The following SYNE1 variants were observed in gnomAD, a reference collection of about 807,000 sequenced individuals.
The protein encoded by SYNE1 is spectrin repeat containing nuclear envelope protein 1.
SYNE1 carries 616 observed loss-of-function variants against 1,111.0 expected under a neutral mutation model. That is an observed-to-expected ratio of 0.55 (90% CI 0.52 to 0.59). The LOEUF is 0.59. SYNE1 is among the 20% of genes least tolerant of loss of function. The probability of loss-of-function intolerance (pLI) is 0.00; values close to 1 mark genes in which losing one functional copy is unlikely to be tolerated. For missense variants in SYNE1, 10,006 were observed against 10,417.0 expected, an observed-to-expected ratio of 0.96 and a Z score of 1.72; for synonymous variants, 3,855 against 3,825.8, an observed-to-expected ratio of 1.01 and a Z score of -0.28.
At chr6:152,423,272 G>T (rs760334992) in intron 39 of SYNE1, among the ~76,000 whole-genome samples, 19 of 152,120 alleles carry the variant, frequency 1.2e-4, no homozygotes, top group Non-Finnish European at 1.5e-4. Context: ...CCTCAATATG[G>T]CATATATTCT....
rs2097290899 is a variant in SYNE1 at position 152,376,883 on chromosome 6, C to T, written c.9039G>A (p.Glu3013=). The change falls in exon 57 of 146, where the codon GAG becomes GAA. Residue 3013 remains glutamate, a synonymous_variant. Transcript: ENST00000367255. ...GAGACTTGAGATCCTCTGTTCTAGG[C>T]TCTGCTTTTTGCAAAGCATCCAGTA... ...QEILDALQKA[E]PRTEDLKSQL... 1 of 1,614,038 alleles carries T rather than the reference C, an allele frequency of 6.2e-7. No individual in the cohort carries two copies. Among genetic ancestry groups the T allele is most frequent in the South Asian group, 1.1e-5 (1 of 91,080 alleles).
At position 152,249,171 on chromosome 6, in the gene SYNE1, T is replaced by C. The variant is rs1391070875; in HGVS notation, c.19562A>G (p.Glu6521Gly). 3 of 1,612,072 alleles carry C rather than the reference T, an allele frequency of 1.9e-6. No homozygotes were observed. Among genetic ancestry groups the C allele is most frequent in the Non-Finnish European group, 2.5e-6 (3 of 1,178,146 alleles). Residue 6521 changes from glutamate to glycine, a missense_variant, in exon 105 of 146, where the codon GAA (glutamate) becomes GGA (glycine). This residue lies in a region of SYNE1 where 2,182 missense variants were observed against 2,287.8 expected (regional missense o/e 0.95). Coordinates refer to ENST00000367255, the MANE Select transcript of SYNE1 (RefSeq NM_182961.4). ...GGCAGCTATAAATACCTCTATTTGT[T>C]CTGCTACGGGCTGTTCAAACACATT... ...LANVFEQPVA[E>G]QIEAIQQAED...
intron 66 of SYNE1, among the ~76,000 whole-genome samples, chr6:152,357,533 G>T (rs1424024972): frequency 6.6e-6 from 1 of 152,102 alleles, no homozygotes; most frequent in African/African-American, 2.4e-5. Context: ...TTTTGTACAT[G>T]GTGGCCCCTT....
At chr6:152,417,496 T>A (rs1227902089) in intron 40 of SYNE1, among the ~76,000 whole-genome samples, 1 of 131,166 alleles carries the variant, frequency 7.6e-6, no homozygotes, top group Non-Finnish European at 1.7e-5. Context: ...AAACTCCGTC[T>A]CAAACAAACA....
chr6:152,562,767 G>A (rs541331933), intron 3 of SYNE1, among the ~76,000 whole-genome samples: 57 of 152,236 alleles, frequency 3.7e-4, no homozygotes, highest in African/African-American at 1.2e-3. Flanking sequence ...AAACCTGCAC[G>A]TTCTGCACTT....
chr6:152,404,343 C>T, intron 45 of SYNE1, 29 bp from the exon 46 acceptor site: 2 of 1,487,114 alleles, frequency 1.3e-6, no homozygotes, highest in African/African-American at 1.4e-5. Flanking sequence ...CATAACTAAT[C>T]AAAAACACTG....
At chr6:152,434,334 C>A in intron 33 of SYNE1, 1 of 199,462 alleles carries the variant, frequency 5.0e-6, no homozygotes, top group African/African-American at 2.4e-5. Context: ...AGTCCTATTT[C>A]CAAAGAAATG....
intron 60 of SYNE1, 83 bp from the exon 61 acceptor site, chr6:152,369,210 T>G (rs1429444975): frequency 6.4e-7 from 1 of 1,562,868 alleles, no homozygotes; most frequent in Non-Finnish European, 8.7e-7. Flanking sequence ...AACATGGAAA[T>G]CAACACTGGC....
intron 110 of SYNE1, among the ~76,000 whole-genome samples, chr6:152,235,149 G>A (rs1465200535): frequency 6.6e-6 from 1 of 151,988 alleles, no homozygotes; most frequent in Non-Finnish European, 1.5e-5. Context: ...CCTCCACCCC[G>A]CTGAATGCTT....
chr6:152,364,417 A>G (rs1036577037), intron 63 of SYNE1, among the ~76,000 whole-genome samples: 1 of 149,274 alleles, frequency 6.7e-6, no homozygotes, highest in Non-Finnish European at 1.5e-5. Context: ...CAAGTCCACT[A>G]CTTGGTTTTA....
chr6:152,201,832 G>T lies in SYNE1; in HGVS notation c.23137C>A (p.Arg7713Ser), dbSNP rs761198027. ...HHEELHAEQM[R>S]CKELENAVGS... ...TCAGTTCAGTAATTTACCTTGCAAC[G>T]CATTTGTTCTGCATGGAGCTCTTCA... The change falls in exon 127 of 146, where the codon CGT (arginine) becomes AGT (serine). Residue 7713 changes from arginine to serine, a missense_variant. This residue lies in a region of SYNE1 where 2,182 missense variants were observed against 2,287.8 expected (regional missense o/e 0.95). Coordinates refer to ENST00000367255, the MANE Select transcript of SYNE1 (RefSeq NM_182961.4). 6.2e-7 allele frequency: 1 copy of T among 1,613,880 alleles called. No homozygotes were observed. Among genetic ancestry groups the T allele is most frequent in the Non-Finnish European group, 8.5e-7 (1 of 1,179,820 alleles).
intron 50 of SYNE1, among the ~76,000 whole-genome samples, chr6:152,396,559 AGTTT>A (rs1413863664): frequency 6.6e-6 from 1 of 152,208 alleles, no homozygotes; most frequent in Non-Finnish European, 1.5e-5. Context: ...TAGTAAATAT[AGTTT>A]GTTTTCTCTA....
chr6:152,403,943 A>G (rs1258835666), intron 46 of SYNE1, among the ~76,000 whole-genome samples: 2 of 152,034 alleles, frequency 1.3e-5, no homozygotes, highest in Non-Finnish European at 2.9e-5. Context: ...CCCATGTCTG[A>G]TACAATCCAC....
At chr6:152,389,731 T>A (rs988312279) in intron 53 of SYNE1, among the ~76,000 whole-genome samples, 13 of 152,212 alleles carry the variant, frequency 8.5e-5, no homozygotes, top group African/African-American at 1.9e-4. Flanking sequence ...GACTGACTCT[T>A]GGTTGTGGGA....
intron 3 of SYNE1, among the ~76,000 whole-genome samples, chr6:152,596,833 C>T (rs1329052470): frequency 1.3e-5 from 2 of 152,168 alleles, no homozygotes; most frequent in African/African-American, 4.8e-5. Flanking sequence ...ATACATTTGG[C>T]ATTACAGACT....
At position 152,323,832 on chromosome 6, in the gene SYNE1, CAATTAAAG is replaced by C. The variant is rs888838937; in HGVS notation, c.15658-103_15658-96del. The C allele has an allele frequency of 3.6e-6, 5 of 1,381,726 alleles. No homozygotes were observed. The African/African-American group carries it at 7.2e-5, about 20-fold the overall frequency. The allele number at this position is 1,381,726 out of a possible 1,614,324, so 85.6% of individuals were successfully genotyped here. ...AAAGCCACACACTAGTGTATGAAGC[CAATTAAAG>C]ATGATGATATAAATTCCACATGTTA... On this transcript the variant is annotated intron_variant, in intron 81 of 145. Coordinates refer to ENST00000367255, the MANE Select transcript of SYNE1 (RefSeq NM_182961.4).
At chr6:152,314,935 T>C (rs2095665308) in intron 87 of SYNE1, among the ~76,000 whole-genome samples, 1 of 132,090 alleles carries the variant, frequency 7.6e-6, no homozygotes, top group Admixed American at 7.3e-5. Flanking sequence ...GAGGTTGCAG[T>C]GAGCTGAGAT....
In SYNE1 at chr6:152,239,634, C is replaced by T; in HGVS notation, c.19966G>A (p.Val6656Ile). 1 of 1,614,206 alleles carries T rather than the reference C, an allele frequency of 6.2e-7. No individual in the cohort carries two copies. The highest frequency in any genetic ancestry group is 8.5e-7 in the Non-Finnish European group (1 of 1,180,042). The change falls in exon 108 of 146, where the codon GTC (valine) becomes ATC (isoleucine). Residue 6656 changes from valine to isoleucine, a missense_variant. Val to Ile is a conservative substitution (Grantham distance 29). This residue lies in a region of SYNE1 where 2,182 missense variants were observed against 2,287.8 expected (regional missense o/e 0.95). Transcript: ENST00000367255. ...TLFRKIISFA[V>I]QKETQFHTEL... is the part of the protein sequence containing the mutation. ...GTATGGAACTGGGTTTCCTTTTGGA[C>T]TGCAAAGCTGATTATCTTTCTGAAG...
At chr6:152,407,272 C>A in intron 44 of SYNE1, 76 bp from the exon 45 acceptor site, 1 of 1,385,196 alleles carries the variant, frequency 7.2e-7, no homozygotes, top group Non-Finnish European at 1.0e-6. Context: ...AGTACCAATG[C>A]TTCTTTTATC....
Sources: allele counts gnomAD v4.1 joint callset (sites outside exome capture counted in the v4.1 genomes callset), GRCh38; gene constraint gnomAD v4.1.1; regional missense constraint gnomAD v4.1.1; transcripts MANE v1.5; gene names NCBI Gene and HGNC (gene_info 2026-07-23, HGNC 2026-07-21).